The following SGK1 variants were observed in gnomAD, a reference collection of about 807,000 sequenced individuals.
The protein encoded by SGK1 is serum/glucocorticoid regulated kinase 1.
In SGK1, 26 loss-of-function variants were observed where a neutral mutation model predicts 64.2. That is an observed-to-expected ratio of 0.40 (90% confidence interval 0.30 to 0.56). SGK1 has a LOEUF of 0.56. SGK1 is among the 20% of genes least tolerant of loss of function. The probability of loss-of-function intolerance (pLI) is 0.38; values close to 1 mark genes in which losing one functional copy is unlikely to be tolerated. For missense variants in SGK1, 519 were observed against 645.6 expected (o/e 0.80, Z 2.12); for synonymous variants, 265 against 239.7 (o/e 1.11, Z -0.98).
At chr6:134,257,000 A>AAACAAC (rs922012124) in intron 2 of SGK1, 3 of 150,358 alleles carry the variant, frequency 2.0e-5, no homozygotes, top group Non-Finnish European at 3.0e-5. Context: ...AAGTTGAACA[A>AAACAAC]AACAACAACA....
chr6:134,282,658 A>C (rs879562143), intron 1 of SGK1, among the ~76,000 whole-genome samples: 1 of 151,666 alleles, frequency 6.6e-6, no homozygotes, highest in South Asian at 2.1e-4. Flanking sequence ...ATCTCAAAAA[A>C]AAAAATAAAA....
chr6:134,302,385 A>G (rs1267534494), intron 1 of SGK1, among the ~76,000 whole-genome samples: 1 of 152,224 alleles, frequency 6.6e-6, no homozygotes, highest in African/African-American at 2.4e-5. Flanking sequence ...CTATCTATAG[A>G]AGATAAATTA....
intron 1 of SGK1, among the ~76,000 whole-genome samples, chr6:134,316,914 G>A (rs1193417254): frequency 6.6e-6 from 1 of 152,128 alleles, no homozygotes; most frequent in Admixed American, 6.5e-5. Context: ...ATTATTGGCT[G>A]AATGGATTTG....
chr6:134,184,187 A>G (rs1775384263), intron 3 of SGK1, among the ~76,000 whole-genome samples: 1 of 151,906 alleles, frequency 6.6e-6, no homozygotes, highest in Non-Finnish European at 1.5e-5. Context: ...CCTTCTTGTC[A>G]TTCGGATCTC....
In SGK1 at chr6:134,173,770, T is replaced by A. The variant is rs567453414; in HGVS notation, c.514-204A>T. The A allele has an allele frequency of 5.1e-4, 300 of 586,710 alleles. 8 individuals carry two copies. In the South Asian group the frequency reaches 6.9e-3, roughly 13 times the overall value. 36.3% of individuals were successfully genotyped at this position (586,710 alleles called of 1,614,324 possible). On this transcript the variant is annotated intron_variant, in intron 5 of 13. Coordinates refer to ENST00000367858, the MANE Select transcript of SGK1 (RefSeq NM_001143676.3). ...CATGTTGTTTCAGACAGATAAAACC[T>A]TTTTATGAAATATGCCTTTTAAAAT...
intron 5 of SGK1, 62 bp downstream of exon 5, chr6:134,173,943 T>C (rs577515047): frequency 9.0e-7 from 1 of 1,116,826 alleles, no homozygotes; most frequent in East Asian, 2.4e-5. Context: ...TCCATTAATG[T>C]AGGAATACTA....
At chr6:134,185,555 AGTGTGTGTGT>A (rs55653141) in intron 3 of SGK1, among the ~76,000 whole-genome samples, 6 of 145,418 alleles carry the variant, frequency 4.1e-5, no homozygotes, top group South Asian at 4.5e-4. Flanking sequence ...TATCTCTATG[AGTGTGTGTGT>A]GTGTGTGTGT....
intron 1 of SGK1, among the ~76,000 whole-genome samples, chr6:134,301,376 G>T (rs17053584): frequency 2.0e-5 from 3 of 152,080 alleles, no homozygotes; most frequent in African/African-American, 4.8e-5. Context: ...CACATTATTG[G>T]TAAGACAGAG....
At chr6:134,202,347 C>G (rs1775699813) in intron 3 of SGK1, among the ~76,000 whole-genome samples, 1 of 152,108 alleles carries the variant, frequency 6.6e-6, no homozygotes, top group African/African-American at 2.4e-5. Context: ...TGCCAGAAGA[C>G]TTATAAGAAA....
At chr6:134,225,943 CA>C (rs569538110) in intron 2 of SGK1, among the ~76,000 whole-genome samples, 1 of 149,366 alleles carries the variant, frequency 6.7e-6, no homozygotes, top group African/African-American at 2.4e-5. Context: ...CAAAAAAAAA[CA>C]AAAAAACACC....
At chr6:134,205,646 G>A (rs927945178) in intron 3 of SGK1, among the ~76,000 whole-genome samples, 1 of 152,210 alleles carries the variant, frequency 6.6e-6, no homozygotes, top group African/African-American at 2.4e-5. Flanking sequence ...TTTTCTGGCT[G>A]CGAGCTTTGG....
chr6:134,287,365 G>A (rs928075876), intron 1 of SGK1, among the ~76,000 whole-genome samples: 2 of 150,574 alleles, frequency 1.3e-5, no homozygotes, highest in Non-Finnish European at 3.0e-5. Context: ...TTGTTATTTT[G>A]TCCTATAAAT....
intron 3 of SGK1, among the ~76,000 whole-genome samples, chr6:134,206,966 C>A (rs1308648137): frequency 1.3e-5 from 2 of 152,012 alleles, no homozygotes; most frequent in Admixed American, 6.5e-5. Flanking sequence ...TGGCTCACGC[C>A]TGTAATCCCA....
At chr6:134,172,623 T>C (rs764976392) in intron 9 of SGK1, 39 bp downstream of exon 9, 3 of 1,351,822 alleles carry the variant, frequency 2.2e-6, no homozygotes, top group South Asian at 2.3e-5. Context: ...ACGTCTCCTT[T>C]ATACCAAAAC....
In SGK1 at chr6:134,171,672, G is replaced by A. The variant is rs747272135; in HGVS notation, c.1132C>T (p.Leu378=). 1.2e-6 allele frequency: 2 copies of A among 1,613,982 alleles called. No homozygotes were observed. Among genetic ancestry groups the A allele is most frequent in the South Asian group, 1.1e-5 (1 of 91,070 alleles). Residue 378 remains leucine, a synonymous_variant, in exon 11 of 14, where the codon CTG becomes TTG. Transcript: ENST00000367858. ...AGCATCTCATACAAGACAGCTCCCAGGCACCACCAGTCCACAGTCCTGTCA... is the reference window on the plus strand; with the variant it reads ...AGCATCTCATACAAGACAGCTCCCAAGCACCACCAGTCCACAGTCCTGTCA... ...PYDRTVDWWC[L]GAVLYEMLYG... is the part of the protein sequence containing the mutation.
At chr6:134,194,407 C>A (rs553670049) in intron 3 of SGK1, among the ~76,000 whole-genome samples, 1 of 152,294 alleles carries the variant, frequency 6.6e-6, no homozygotes, top group South Asian at 2.1e-4. Context: ...GCTCCCTGTC[C>A]ACCTATTTGC....
chr6:134,259,345 A>C (rs1308523046), intron 2 of SGK1, among the ~76,000 whole-genome samples: 1 of 152,086 alleles, frequency 6.6e-6, no homozygotes, highest in Non-Finnish European at 1.5e-5. Context: ...AGTCTAAGAA[A>C]TTGGCAAACT....
intron 2 of SGK1, among the ~76,000 whole-genome samples, chr6:134,215,484 C>T (rs1319080412): frequency 6.6e-6 from 1 of 151,974 alleles, no homozygotes; most frequent in Non-Finnish European, 1.5e-5. Context: ...TGAATTGTTT[C>T]CAGTTAATGG....
At chr6:134,172,929 C>T in intron 8 of SGK1, 94 bp downstream of exon 8, 18 of 1,416,946 alleles carry the variant, frequency 1.3e-5, no homozygotes, top group Non-Finnish European at 1.7e-5. Context: ...GTAACATTCT[C>T]CCCACCAAAA....
Sources: gnomAD v4.1 joint callset for allele counts (sites outside exome capture counted in the v4.1 genomes callset) on GRCh38, gnomAD v4.1.1 for gene constraint, MANE v1.5 for transcripts, NCBI Gene and HGNC (gene_info 2026-07-23, HGNC 2026-07-21) for gene names.